Variants in ZNF385D observed in about 807,000 individuals in gnomAD.
ZNF385D encodes zinc finger protein 659.
ZNF385D carries 15 observed loss-of-function variants against 35.8 expected under a neutral mutation model. That is an observed-to-expected ratio of 0.42 (90% confidence interval 0.28 to 0.64). ZNF385D has a LOEUF of 0.64. Among genes scored for constraint, ZNF385D ranks in the 30% least tolerant of loss-of-function variants. The pLI is 0.23. For synonymous variants in ZNF385D, 212 were observed against 186.8 expected (o/e 1.13, Z -1.10); for missense variants, 474 against 494.6 (o/e 0.96, Z 0.39).
intron 3 of ZNF385D, among the ~76,000 whole-genome samples, chr3:21,778,578 A>T (rs1173627385): frequency 6.6e-6 from 1 of 151,944 alleles, no homozygotes; most frequent in South Asian, 2.1e-4. Context: ...CAAAATCTAC[A>T]ATCAGAAATA....
chr3:22,192,008 A>AT (rs891229044), intron 2 of ZNF385D, among the ~76,000 whole-genome samples: 3 of 152,144 alleles, frequency 2.0e-5, no homozygotes, highest in Admixed American at 6.6e-5. Flanking sequence ...AGAGGATATG[A>AT]TTTTTTTCGG....
At chr3:22,085,560 G>A (rs1700986009) in intron 3 of ZNF385D, among the ~76,000 whole-genome samples, 1 of 152,094 alleles carries the variant, frequency 6.6e-6, no homozygotes, top group Admixed American at 6.5e-5. Flanking sequence ...CCAATAACAG[G>A]CTCTGAAATT....
Position 22,131,557 on chromosome 3 carries a change from G to T in ZNF385D, c.325+37260C>A, listed in dbSNP as rs1226305447. Among the ~76,000 whole-genome samples the T allele has an allele frequency of 2.0e-5, 3 of 152,096 alleles. No individual in the cohort carries two copies. In the East Asian group the frequency reaches 5.8e-4, roughly 29 times the overall value. ...GAATGAAAAATGATGTATCAGGAGA[G>T]AATGGAAGGAACTGTTACAGGATGG... On this transcript the variant is annotated intron_variant, in intron 3 of 5. Coordinates refer to the ZNF385D transcript ENST00000494108.
chr3:22,118,438 G>C (rs1702918349), intron 3 of ZNF385D, among the ~76,000 whole-genome samples: 1 of 152,078 alleles, frequency 6.6e-6, no homozygotes, highest in Non-Finnish European at 1.5e-5. Context: ...TGTGAGGTGA[G>C]GGAGGGAGTG....
intron 3 of ZNF385D, among the ~76,000 whole-genome samples, chr3:22,138,187 A>C (rs938780876): frequency 7.2e-5 from 11 of 152,140 alleles, no homozygotes; most frequent in East Asian, 1.9e-4. Flanking sequence ...AAATGGAAGA[A>C]CATTCCATGC....
intron 4 of ZNF385D, among the ~76,000 whole-genome samples, chr3:21,442,268 T>C (rs1701901260): frequency 6.6e-6 from 1 of 152,140 alleles, no homozygotes; most frequent in Non-Finnish European, 1.5e-5. Flanking sequence ...AAACCATAGG[T>C]GAGTTACTAG....
At chr3:22,098,951 T>G (rs1454395846) in intron 3 of ZNF385D, among the ~76,000 whole-genome samples, 6 of 152,048 alleles carry the variant, frequency 3.9e-5, no homozygotes, top group Non-Finnish European at 8.8e-5. Flanking sequence ...GAAATAATTT[T>G]TATTCTAATA....
At chr3:22,021,261 A>C (rs1452024806) in intron 3 of ZNF385D, among the ~76,000 whole-genome samples, 1 of 152,048 alleles carries the variant, frequency 6.6e-6, no homozygotes, top group East Asian at 1.9e-4. Context: ...CAAAGAAAAA[A>C]AAAGACTCAA....
intron 2 of ZNF385D, among the ~76,000 whole-genome samples, chr3:22,321,372 TA>T (rs1188491988): frequency 6.6e-6 from 1 of 151,976 alleles, no homozygotes; most frequent in Non-Finnish European, 1.5e-5. Flanking sequence ...TAAAAAAAAT[TA>T]TTTATTTTTG....
At chr3:21,910,478 A>G (rs1477445555) in intron 3 of ZNF385D, among the ~76,000 whole-genome samples, 5 of 151,984 alleles carry the variant, frequency 3.3e-5, no homozygotes, top group African/African-American at 1.2e-4. Flanking sequence ...TGCTAAAACT[A>G]CAAATACTAA....
At chr3:22,312,102 T>A (rs35721415) in intron 2 of ZNF385D, among the ~76,000 whole-genome samples, 1 of 151,990 alleles carries the variant, frequency 6.6e-6, no homozygotes, top group African/African-American at 2.4e-5. Context: ...TCGGGCAAAA[T>A]TGCCTAAGTT....
intron 4 of ZNF385D, among the ~76,000 whole-genome samples, chr3:21,480,098 G>T (rs939710507): frequency 7.5e-6 from 1 of 133,344 alleles, no homozygotes; most frequent in African/African-American, 2.6e-5. Context: ...GAGAATGTAA[G>T]AATTTTTTTT....
rs113101913 is a variant in ZNF385D at position 21,420,788 on chromosome 3, C to CT, written c.*425dup. ...TGTTGCTTTTGTTTTTGTTTTTTTC[C>CT]TTTTTTTTTGTACGATTTTAATCTA... On this transcript the variant is annotated 3_prime_UTR_variant, in exon 8 of 8. Coordinates refer to ENST00000281523, the MANE Select transcript of ZNF385D (RefSeq NM_024697.3). 0.089 allele frequency: 13,865 copies of CT among 156,164 alleles called. 1,243 individuals carry two copies. Among genetic ancestry groups the CT allele is most frequent in the East Asian group, 0.39 (2,060 of 5,244 alleles). 9.7% of individuals were successfully genotyped at this position (156,164 alleles called of 1,614,324 possible). A position where few individuals can be genotyped will look rare whatever the true frequency, so the allele number is the denominator to read the frequency against.
chr3:21,810,566 A>ATG (rs2072873218), intron 3 of ZNF385D, among the ~76,000 whole-genome samples: 3 of 151,782 alleles, frequency 2.0e-5, no homozygotes, highest in African/African-American at 7.3e-5. Flanking sequence ...GTATATGTTT[A>ATG]TTTATTTTTA....
At chr3:22,321,141 C>G (rs1386171112) in intron 2 of ZNF385D, among the ~76,000 whole-genome samples, 1 of 132,604 alleles carries the variant, frequency 7.5e-6, no homozygotes, top group East Asian at 2.1e-4. Flanking sequence ...CACCTTACTG[C>G]TGATAGTAAC....
At chr3:21,839,063 A>G (rs920983515) in intron 3 of ZNF385D, among the ~76,000 whole-genome samples, 9 of 152,074 alleles carry the variant, frequency 5.9e-5, no homozygotes, top group African/African-American at 2.2e-4. Context: ...ATTAAAGGTT[A>G]TTAGAAGATA....
chr3:22,148,766 A>T (rs112907395), intron 3 of ZNF385D, among the ~76,000 whole-genome samples: 2 of 152,206 alleles, frequency 1.3e-5, no homozygotes, highest in Admixed American at 1.3e-4. Context: ...CTCCAAAGTT[A>T]GGTAATTAAT....
At chr3:21,754,750 C>G (rs1433974181), upstream of ZNF385D, among the ~76,000 whole-genome samples, 1 of 152,028 alleles carries the variant, frequency 6.6e-6, no homozygotes, top group East Asian at 1.9e-4. Flanking sequence ...TTGATTTCTC[C>G]TCACTGGAAT....
intron 4 of ZNF385D, among the ~76,000 whole-genome samples, chr3:21,494,463 T>C (rs748842856): frequency 2.0e-5 from 3 of 152,118 alleles, no homozygotes; most frequent in Non-Finnish European, 4.4e-5. Context: ...GCAACCAAAA[T>C]TGGGGTTAGT....
Sources: allele counts gnomAD v4.1 joint callset (sites outside exome capture counted in the v4.1 genomes callset), GRCh38; gene constraint gnomAD v4.1.1; transcripts MANE v1.5; gene names NCBI Gene and HGNC (gene_info 2026-07-23, HGNC 2026-07-21).